TOX: variants seen among roughly 807,000 people sequenced by gnomAD.
TOX encodes thymocyte selection-associated high mobility group box protein TOX.
TOX carries 11 observed loss-of-function variants against 53.7 expected under a neutral mutation model. That is an observed-to-expected ratio of 0.20 (90% CI 0.13 to 0.34). The LOEUF (loss-of-function observed/expected upper bound fraction) is 0.34, where lower values mean the gene tolerates loss of function less well. TOX is among the 10% of genes least tolerant of loss of function. TOX has a pLI of 1.00. For synonymous variants in TOX, 225 were observed against 245.3 expected (o/e 0.92, Z 0.77); for missense variants, 570 against 664.6 (o/e 0.86, Z 1.56).
chr8:58,950,495 G>C (rs1812603549), intron 2 of TOX, among the ~76,000 whole-genome samples: 2 of 152,168 alleles, frequency 1.3e-5, no homozygotes, highest in East Asian at 3.8e-4. Flanking sequence ...TACTCCCAGG[G>C]AAGAATTGTA....
At chr8:59,034,922 G>A (rs1427865651) in intron 1 of TOX, among the ~76,000 whole-genome samples, 2 of 152,162 alleles carry the variant, frequency 1.3e-5, no homozygotes, top group African/African-American at 4.8e-5. Flanking sequence ...ACACACAGAA[G>A]TTAAGAACCA....
chr8:59,021,002 C>T (rs1814115271), intron 1 of TOX, among the ~76,000 whole-genome samples: 1 of 150,002 alleles, frequency 6.7e-6, no homozygotes, highest in Non-Finnish European at 1.5e-5. Context: ...GTAGTCCCAG[C>T]TACTCAGGAG....
chr8:58,899,516 T>C (rs1364951440), intron 3 of TOX, among the ~76,000 whole-genome samples: 2 of 152,210 alleles, frequency 1.3e-5, no homozygotes, highest in African/African-American at 2.4e-5. Context: ...CTGGGTCAAC[T>C]ATGGAATTAA....
At chr8:59,085,344 T>C (rs1586010181) in intron 1 of TOX, among the ~76,000 whole-genome samples, 2 of 152,366 alleles carry the variant, frequency 1.3e-5, no homozygotes, top group Non-Finnish European at 2.9e-5. Flanking sequence ...TTTAAAATTA[T>C]ATGATGCCAA....
intron 3 of TOX, among the ~76,000 whole-genome samples, chr8:58,895,925 C>A (rs1300861519): frequency 1.3e-5 from 2 of 152,130 alleles, no homozygotes; most frequent in Non-Finnish European, 2.9e-5. Context: ...AAGCTTCCAG[C>A]GCAGAGCCCA....
chr8:58,976,893 A>G lies in TOX; in HGVS notation c.103-16885T>C, dbSNP rs189854080. Reference sequence around the variant, plus strand: ...GTGGGCTTAAAATATTCAGCAAACCATGCTGTAAAAGGATGTACTGTCATC... The same window carrying G: ...GTGGGCTTAAAATATTCAGCAAACCGTGCTGTAAAAGGATGTACTGTCATC... On this transcript the variant is annotated intron_variant, in intron 1 of 8. Transcript: ENST00000361421. Among the ~76,000 whole-genome samples, 119 of 152,332 alleles carry G rather than the reference A, an allele frequency of 7.8e-4. 1 individual carries two copies. Among genetic ancestry groups the G allele is most frequent in the Non-Finnish European group, 1.5e-3 (103 of 68,030 alleles).
intron 1 of TOX, among the ~76,000 whole-genome samples, chr8:59,079,572 C>T (rs1395074465): frequency 1.3e-5 from 2 of 152,198 alleles, no homozygotes; most frequent in African/African-American, 4.8e-5. Flanking sequence ...GGTGTTAAGC[C>T]TGTGGGTGCA....
intron 3 of TOX, among the ~76,000 whole-genome samples, chr8:58,896,352 G>A (rs571095997): frequency 6.6e-6 from 1 of 152,208 alleles, no homozygotes; most frequent in South Asian, 2.1e-4. Flanking sequence ...CCTTGAGCTG[G>A]CCATCAGAAT....
chr8:58,966,407 T>C (rs1585929766), intron 1 of TOX, among the ~76,000 whole-genome samples: 3 of 152,182 alleles, frequency 2.0e-5, no homozygotes, highest in Admixed American at 2.0e-4. Flanking sequence ...AGAGCTGAAC[T>C]AGGGAAGAGC....
intron 3 of TOX, among the ~76,000 whole-genome samples, chr8:58,908,798 CAAAG>C (rs1301893276): frequency 2.0e-5 from 3 of 152,166 alleles, no homozygotes; most frequent in Non-Finnish European, 4.4e-5. Context: ...CTATTTCTGA[CAAAG>C]AGTTCTCTGG....
At chr8:58,905,685 C>A (rs1480436088) in intron 3 of TOX, among the ~76,000 whole-genome samples, 2 of 152,182 alleles carry the variant, frequency 1.3e-5, no homozygotes, top group African/African-American at 4.8e-5. Context: ...GATAGATTTT[C>A]AGTAATTGCA....
chr8:58,879,680 A>G (rs1411762361), intron 3 of TOX, among the ~76,000 whole-genome samples: 1 of 152,310 alleles, frequency 6.6e-6, no homozygotes. Flanking sequence ...CAAAAAATCG[A>G]GAGACTGGCT....
intron 3 of TOX, among the ~76,000 whole-genome samples, chr8:58,933,430 G>A (rs896287720): frequency 7.2e-5 from 11 of 151,964 alleles, no homozygotes; most frequent in African/African-American, 2.2e-4. Flanking sequence ...AAATAGTTCC[G>A]TAGTTTCCTT....
chr8:58,920,721 T>TAAAAAAAAAAAA (rs5891703), intron 3 of TOX, among the ~76,000 whole-genome samples: 16 of 80,986 alleles, frequency 2.0e-4, no homozygotes, highest in South Asian at 5.7e-4. Context: ...AAAAAAACAT[T>TAAAAAAAAAAAA]AAAAAAAAAA....
intron 1 of TOX, among the ~76,000 whole-genome samples, chr8:59,025,434 T>G (rs1304884068): frequency 2.0e-5 from 3 of 151,458 alleles, no homozygotes; most frequent in Admixed American, 6.6e-5. Flanking sequence ...CTCACCATTA[T>G]CCAATCGGGA....
intron 1 of TOX, among the ~76,000 whole-genome samples, chr8:58,985,485 G>A (rs1336586111): frequency 6.6e-6 from 1 of 152,172 alleles, no homozygotes; most frequent in Non-Finnish European, 1.5e-5. Context: ...AATGGCAGTT[G>A]TCAGGGGCTA....
intron 2 of TOX, among the ~76,000 whole-genome samples, chr8:58,955,352 G>A (rs78361311): frequency 0.013 from 1,971 of 152,044 alleles, 40 homozygotes; most frequent in African/African-American, 0.043. Flanking sequence ...AGGGATAACC[G>A]TTCACGGAAA....
At chr8:59,027,622 A>G (rs1814269727) in intron 1 of TOX, among the ~76,000 whole-genome samples, 1 of 152,138 alleles carries the variant, frequency 6.6e-6, no homozygotes, top group African/African-American at 2.4e-5. Context: ...TCTCATCATT[A>G]AGCCAATTAT....
At chr8:58,986,163 G>C (rs1813324375) in intron 1 of TOX, among the ~76,000 whole-genome samples, 1 of 152,172 alleles carries the variant, frequency 6.6e-6, no homozygotes, top group Admixed American at 6.5e-5. Context: ...TGGAGAAACA[G>C]ACAGGACAGA....
Sources: gnomAD v4.1 joint callset for allele counts (sites outside exome capture counted in the v4.1 genomes callset) on GRCh38, gnomAD v4.1.1 for gene constraint, MANE v1.5 for transcripts, NCBI Gene and HGNC (gene_info 2026-07-23, HGNC 2026-07-21) for gene names.